Variants in GLDN observed in about 807,000 individuals in gnomAD.
The protein encoded by GLDN is gliomedin.
Under a neutral mutation model 56.5 loss-of-function variants are expected in GLDN, and 47 were observed. The ratio of observed to expected loss-of-function variants is 0.83; its 90% confidence interval spans 0.66 to 1.06. The LOEUF (loss-of-function observed/expected upper bound fraction) is 1.06. Ranked by LOEUF, GLDN falls within the 50% of genes least tolerant of loss-of-function variation. The probability of loss-of-function intolerance (pLI) is 0.00; values close to 1 mark genes in which losing one functional copy is unlikely to be tolerated. For missense variants in GLDN, 782 were observed against 714.3 expected (o/e 1.09, Z -1.08); for synonymous variants, 332 against 278.8 (o/e 1.19, Z -1.90).
rs192083276 is a variant in GLDN, at chr15:51,385,542, T to A, written c.541+1650T>A. ...TGGGAGAGACGGATAATAAATAAGA[T>A]AAATAAATAGAATATATGGTCTGTT... On this transcript the variant is annotated intron_variant, in intron 4 of 9. Coordinates refer to ENST00000335449, the MANE Select transcript of GLDN (RefSeq NM_181789.4). 87 of 152,210 alleles carry A rather than the reference T, an allele frequency of 5.7e-4. 1 individual carries two copies. The highest frequency in any genetic ancestry group is 2.0e-3 in the African/African-American group (84 of 41,534). 9.4% of individuals were successfully genotyped at this position (152,210 alleles called of 1,614,324 possible).
downstream of GLDN, among the ~76,000 whole-genome samples, chr15:51,408,519 C>T (rs2038429040): frequency 6.6e-6 from 1 of 152,136 alleles, no homozygotes; most frequent in Non-Finnish European, 1.5e-5. Context: ...TGCAGGGAGC[C>T]AGAGTGACCC....
chr15:51,370,709 C>A (rs1047055193), intron 1 of GLDN, among the ~76,000 whole-genome samples: 1 of 151,938 alleles, frequency 6.6e-6, no homozygotes, highest in Admixed American at 6.6e-5. Flanking sequence ...AAAAAAAAAT[C>A]TGCCAGGTAC....
Position 51,405,516 on chromosome 15 carries a change from T to C in GLDN, c.*762T>C, listed in dbSNP as rs753354580. ...ATCCTCCTGCCTTGGCCTCCCAAAA[T>C]GCTGGATTACAGGCATGTGTGCCTG... On this transcript the variant is annotated 3_prime_UTR_variant, in exon 10 of 10. Coordinates refer to ENST00000335449, the MANE Select transcript of GLDN (RefSeq NM_181789.4). The C allele has an allele frequency of 6.6e-6, 1 of 151,992 alleles. No individual in the cohort carries two copies. The highest frequency in any genetic ancestry group is 1.9e-4 in the East Asian group (1 of 5,130). 9.4% of individuals were successfully genotyped at this position (151,992 alleles called of 1,614,324 possible).
In GLDN at chr15:51,404,990, T is replaced by G; in HGVS notation, c.*236T>G. 1 of 420,446 alleles carries G rather than the reference T, an allele frequency of 2.4e-6. No homozygotes were observed. The highest frequency in any genetic ancestry group is 4.2e-6 in the Non-Finnish European group (1 of 235,758). The allele number at this position is 420,446 out of a possible 1,614,324, so 26.0% of individuals were successfully genotyped here. A position where few individuals can be genotyped will look rare whatever the true frequency, so the allele number is the denominator to read the frequency against. ...CAAGTTACCTCTTTCTCCTTGGGCC[T>G]TAGTTTCCCCATTGGTAATCTGAAT... On this transcript the variant is annotated 3_prime_UTR_variant, in exon 10 of 10. Transcript: ENST00000335449.
chr15:51,388,051 G>A (rs977325907), intron 4 of GLDN, among the ~76,000 whole-genome samples: 4 of 152,186 alleles, frequency 2.6e-5, no homozygotes, highest in Non-Finnish European at 5.9e-5. Flanking sequence ...CTAGGACATA[G>A]TGGCCTGTGC....
At position 51,404,907 on chromosome 15, in the gene GLDN, G is replaced by A. The variant is rs2141139966; in HGVS notation, c.*153G>A. 3.2e-6 allele frequency: 2 copies of A among 625,176 alleles called. No homozygotes were observed. The highest frequency in any genetic ancestry group is 7.6e-4 in the Middle Eastern group (2 of 2,640). The allele number at this position is 625,176 out of a possible 1,614,324, so 38.7% of individuals were successfully genotyped here. On this transcript the variant is annotated 3_prime_UTR_variant, in exon 10 of 10. Coordinates refer to ENST00000335449, the MANE Select transcript of GLDN (RefSeq NM_181789.4). Reference sequence around the variant, plus strand: ...TCAGTGAGCCCCGCTTAGTGAAATAGCAACAGATTGGAAGTTGAAATGGCT... The same window carrying A: ...TCAGTGAGCCCCGCTTAGTGAAATAACAACAGATTGGAAGTTGAAATGGCT...
chr15:51,371,889 T>G (rs941845408), intron 1 of GLDN, among the ~76,000 whole-genome samples: 1 of 152,206 alleles, frequency 6.6e-6, no homozygotes, highest in Non-Finnish European at 1.5e-5. Context: ...TTCCCCATAT[T>G]GGCCAGGCTG....
chr15:51,410,656 C>G (rs186279492), downstream of GLDN, among the ~76,000 whole-genome samples: 1 of 152,174 alleles, frequency 6.6e-6, no homozygotes, highest in East Asian at 1.9e-4. Context: ...TCCCAGGGAA[C>G]CCAACCTGTT....
At chr15:51,388,254 G>T (rs2037942383) in intron 4 of GLDN, among the ~76,000 whole-genome samples, 1 of 152,118 alleles carries the variant, frequency 6.6e-6, no homozygotes. Flanking sequence ...ATTTGTTGTT[G>T]TACTGACAGT....
chr15:51,400,458 C>T lies in GLDN; in HGVS notation c.987C>T (p.Asn329=). The stretch of plus-strand genomic sequence containing the variant: ...GGACTTGGATAAGAGAGTCTGCTAA[C>T]AAGAGTGATGACCGGATTTGGGTGA... The part of the protein sequence containing the change: ...TFGTWIRESA[N]KSDDRIWVTE... The change falls in exon 8 of 10, where the codon AAC becomes AAT. Residue 329 remains asparagine, a synonymous_variant. Coordinates refer to ENST00000335449, the MANE Select transcript of GLDN (RefSeq NM_181789.4). 6.2e-7 allele frequency: 1 copy of T among 1,614,142 alleles called. No homozygotes were observed. The highest frequency in any genetic ancestry group is 8.5e-7 in the Non-Finnish European group (1 of 1,180,008).
chr15:51,356,892 A>G (rs2037197586), intron 1 of GLDN, among the ~76,000 whole-genome samples: 1 of 152,212 alleles, frequency 6.6e-6, no homozygotes, highest in South Asian at 2.1e-4. Flanking sequence ...AAGCCTTGTA[A>G]TAAAAAGAAT....
chr15:51,347,881 A>G (rs1233219660), intron 1 of GLDN, among the ~76,000 whole-genome samples: 1 of 152,224 alleles, frequency 6.6e-6, no homozygotes, highest in African/African-American at 2.4e-5. Context: ...AATTCTCTAT[A>G]TAATAAGAGT....
At chr15:51,359,920 A>C (rs1341301505) in intron 1 of GLDN, among the ~76,000 whole-genome samples, 1 of 148,186 alleles carries the variant, frequency 6.7e-6, no homozygotes, top group African/African-American at 2.5e-5. Flanking sequence ...CGGAGCTTGC[A>C]GTGAGCCTAG....
intron 1 of GLDN, among the ~76,000 whole-genome samples, chr15:51,374,622 G>C (rs1284433027): frequency 6.6e-6 from 1 of 152,074 alleles, no homozygotes; most frequent in African/African-American, 2.4e-5. Context: ...GGGGGTGAGG[G>C]GACATCCAGA....
chr15:51,355,739 G>C (rs1448876842), intron 1 of GLDN, among the ~76,000 whole-genome samples: 1 of 149,308 alleles, frequency 6.7e-6, no homozygotes, highest in Admixed American at 6.6e-5. Context: ...TAGCCGGGAT[G>C]GTCTTGATCT....
chr15:51,378,492 C>T (rs2037684254), intron 2 of GLDN, among the ~76,000 whole-genome samples: 1 of 152,084 alleles, frequency 6.6e-6, no homozygotes, highest in Non-Finnish European at 1.5e-5. Flanking sequence ...GCACAAAAGC[C>T]TGTTGAGAGG....
At chr15:51,359,820 CA>C (rs965764247) in intron 1 of GLDN, among the ~76,000 whole-genome samples, 22 of 149,242 alleles carry the variant, frequency 1.5e-4, no homozygotes, top group Admixed American at 9.3e-4. Flanking sequence ...ACTAAAAATG[CA>C]AAAAAAAATT....
At chr15:51,383,291 T>C (rs2037806963) in intron 2 of GLDN, 145 bp from the exon 3 acceptor site, 5 of 860,804 alleles carry the variant, frequency 5.8e-6, no homozygotes, top group Non-Finnish European at 9.3e-6. Context: ...AAGGGTCTTT[T>C]GGCCAAATAT....
intron 7 of GLDN, 25 bp from the exon 8 acceptor site, chr15:51,400,348 A>G (rs1435754252): frequency 6.2e-7 from 1 of 1,614,028 alleles, no homozygotes; most frequent in Non-Finnish European, 8.5e-7. Flanking sequence ...CAGGCAAGTG[A>G]CTTTCTTTTC....
Sources: gnomAD v4.1 joint callset for allele counts (sites outside exome capture counted in the v4.1 genomes callset) on GRCh38, gnomAD v4.1.1 for gene constraint, MANE v1.5 for transcripts, NCBI Gene and HGNC (gene_info 2026-07-23, HGNC 2026-07-21) for gene names.